The following PDZRN3 variants were observed in gnomAD, a reference collection of about 807,000 sequenced individuals.
PDZRN3 encodes E3 ubiquitin-protein ligase PDZRN3.
PDZRN3 carries 38 observed loss-of-function variants against 85.7 expected under a neutral mutation model. That is an observed-to-expected ratio of 0.44 (90% CI 0.34 to 0.58). The LOEUF (loss-of-function observed/expected upper bound fraction) is 0.58. Ranked by LOEUF, PDZRN3 falls within the 20% of genes least tolerant of loss-of-function variation. The pLI, the probability that PDZRN3 is intolerant of heterozygous loss-of-function variation, is 0.01. For missense variants in PDZRN3, 1,629 were observed against 1,506.4 expected, an observed-to-expected ratio of 1.08 and a Z score of -1.35; for synonymous variants, 759 against 638.0, an observed-to-expected ratio of 1.19 and a Z score of -2.86.
At chr3:73,430,097 T>A (rs983681083) in intron 3 of PDZRN3, among the ~76,000 whole-genome samples, 2 of 152,228 alleles carry the variant, frequency 1.3e-5, no homozygotes, top group African/African-American at 4.8e-5. Context: ...ATGTGGGAAT[T>A]ATAGTGCAGA....
rs1703280749 is a variant in PDZRN3 at position 73,383,122 on chromosome 3, T to C, written c.*243A>G. 2.2e-6 allele frequency: 1 copy of C among 449,624 alleles called. No homozygotes were observed. Among genetic ancestry groups the C allele is most frequent in the African/African-American group, 2.0e-5 (1 of 50,524 alleles). The allele number at this position is 449,624 out of a possible 1,614,324, so 27.9% of individuals were successfully genotyped here. Reference sequence around the variant, plus strand: ...ATGTAAAAGGGTACAGGTAGAAAAGTACAATTGCTATTTGAAAAAAGCTCT... The same window carrying C: ...ATGTAAAAGGGTACAGGTAGAAAAGCACAATTGCTATTTGAAAAAAGCTCT... On this transcript the variant is annotated 3_prime_UTR_variant, in exon 10 of 10. Transcript: ENST00000263666.
intron 3 of PDZRN3, among the ~76,000 whole-genome samples, chr3:73,575,926 C>A (rs1305496793): frequency 3.1e-4 from 47 of 151,814 alleles, no homozygotes; most frequent in Admixed American, 3.1e-3. Context: ...TAGAGTCACA[C>A]AATTTGGAAG....
intron 3 of PDZRN3, among the ~76,000 whole-genome samples, chr3:73,571,184 ACCATGTTTT>A (rs373106933): frequency 4.6e-5 from 7 of 152,124 alleles, no homozygotes; most frequent in Admixed American, 1.3e-4. Context: ...TACTTTCTCT[ACCATGTTTT>A]CCATAAAATT....
chr3:73,548,418 A>G (rs888500925), intron 3 of PDZRN3, among the ~76,000 whole-genome samples: 3 of 152,124 alleles, frequency 2.0e-5, no homozygotes, highest in Non-Finnish European at 2.9e-5. Context: ...AGAGGTGAAC[A>G]CTCTGTATGC....
intron 3 of PDZRN3, among the ~76,000 whole-genome samples, chr3:73,453,553 A>G (rs1161729821): frequency 1.3e-5 from 2 of 151,658 alleles, no homozygotes; most frequent in Admixed American, 6.6e-5. Context: ...AAAAGGTACA[A>G]TAATTTCAAT....
At chr3:73,426,071 A>G (rs1004222971) in intron 3 of PDZRN3, among the ~76,000 whole-genome samples, 1 of 151,878 alleles carries the variant, frequency 6.6e-6, no homozygotes, top group African/African-American at 2.4e-5. Context: ...CTGGGAAGGG[A>G]GTATTTGTAG....
chr3:73,456,289 A>G (rs1231306652), intron 3 of PDZRN3, among the ~76,000 whole-genome samples: 3 of 152,070 alleles, frequency 2.0e-5, no homozygotes, highest in African/African-American at 7.2e-5. Context: ...AGATGGTGAA[A>G]CTTTCCTAGA....
intron 3 of PDZRN3, among the ~76,000 whole-genome samples, chr3:73,479,052 T>G (rs957412564): frequency 2.0e-5 from 3 of 152,234 alleles, no homozygotes; most frequent in African/African-American, 7.2e-5. Flanking sequence ...CTATCAAGAC[T>G]GACTTCCATG....
At chr3:73,565,171 C>A (rs1338205670) in intron 3 of PDZRN3, among the ~76,000 whole-genome samples, 1 of 147,454 alleles carries the variant, frequency 6.8e-6, no homozygotes, top group African/African-American at 2.6e-5. Flanking sequence ...CTCTGTTGCC[C>A]AGGCTGGAGC....
At chr3:73,599,233 T>C (rs1338896618) in intron 3 of PDZRN3, among the ~76,000 whole-genome samples, 1 of 152,198 alleles carries the variant, frequency 6.6e-6, no homozygotes, top group Non-Finnish European at 1.5e-5. Flanking sequence ...GGACAAAATG[T>C]GGTAAATACA....
chr3:73,562,622 G>C (rs527587450), intron 3 of PDZRN3, among the ~76,000 whole-genome samples: 1 of 151,978 alleles, frequency 6.6e-6, no homozygotes, highest in African/African-American at 2.4e-5. Context: ...CTACATTTCC[G>C]GGACTTCAGG....
intron 3 of PDZRN3, among the ~76,000 whole-genome samples, chr3:73,407,161 G>T (rs1006280741): frequency 6.6e-6 from 1 of 152,184 alleles, no homozygotes; most frequent in Admixed American, 6.5e-5. Context: ...TGAGAGAGCT[G>T]CTAGGGAGCT....
intron 3 of PDZRN3, among the ~76,000 whole-genome samples, chr3:73,508,845 C>A (rs906732597): frequency 6.6e-6 from 1 of 152,130 alleles, no homozygotes; most frequent in African/African-American, 2.4e-5. Flanking sequence ...TAGCCATAAC[C>A]AAGGCCCTCT....
intron 3 of PDZRN3, among the ~76,000 whole-genome samples, chr3:73,586,192 T>C (rs967246428): frequency 1.3e-5 from 2 of 152,220 alleles, no homozygotes; most frequent in Admixed American, 1.3e-4. Context: ...TTCATTCCCC[T>C]GCTTCTAAAG....
At chr3:73,466,248 A>G (rs190539582) in intron 3 of PDZRN3, among the ~76,000 whole-genome samples, 2 of 152,260 alleles carry the variant, frequency 1.3e-5, no homozygotes, top group Admixed American at 1.3e-4. Flanking sequence ...TATCCTATCT[A>G]AAATGACCAA....
intron 3 of PDZRN3, among the ~76,000 whole-genome samples, chr3:73,429,159 C>A (rs1421233667): frequency 6.6e-6 from 1 of 152,188 alleles, no homozygotes; most frequent in Admixed American, 6.5e-5. Flanking sequence ...AATCCTCCCA[C>A]CTCAGCCTCC....
At chr3:73,592,172 A>T (rs1398645015) in intron 3 of PDZRN3, among the ~76,000 whole-genome samples, 1 of 152,176 alleles carries the variant, frequency 6.6e-6, no homozygotes, top group Admixed American at 6.5e-5. Context: ...TTATCTGGCT[A>T]ACGGATCCTC....
At chr3:73,469,661 C>T (rs1366758218) in intron 3 of PDZRN3, among the ~76,000 whole-genome samples, 1 of 152,162 alleles carries the variant, frequency 6.6e-6, no homozygotes, top group African/African-American at 2.4e-5. Flanking sequence ...CACAATACCC[C>T]AGGGCAATGT....
At chr3:73,474,525 T>C in intron 3 of PDZRN3, 1 of 1,288,222 alleles carries the variant, frequency 7.8e-7, no homozygotes, top group Middle Eastern at 2.1e-4. Context: ...CATCCTCTTG[T>C]GTTCCATCTT....
Sources: gnomAD v4.1 joint callset for allele counts (sites outside exome capture counted in the v4.1 genomes callset) on GRCh38, gnomAD v4.1.1 for gene constraint, MANE v1.5 for transcripts, NCBI Gene and HGNC (gene_info 2026-07-23, HGNC 2026-07-21) for gene names.